DLGAP2: variants seen among roughly 807,000 people sequenced by gnomAD.
The protein encoded by DLGAP2 is DLG associated protein 2, also known as disks large-associated protein 2.
Under a neutral mutation model 100.3 loss-of-function variants are expected in DLGAP2, and 26 were observed. The ratio of observed to expected loss-of-function variants is 0.26; its 90% CI spans 0.19 to 0.36. The LOEUF is 0.36. Ranked by LOEUF, DLGAP2 falls within the 10% of genes least tolerant of loss-of-function variation. The probability of loss-of-function intolerance (pLI) is 1.00; values close to 1 mark genes in which losing one functional copy is unlikely to be tolerated. For missense variants in DLGAP2, 1,858 were observed against 1,453.2 expected, an observed-to-expected ratio of 1.28 and a Z score of -4.53; for synonymous variants, 886 against 630.1, an observed-to-expected ratio of 1.41 and a Z score of -6.08.
chr8:789,155 G>C (rs148534393), intron 1 of DLGAP2, among the ~76,000 whole-genome samples: 5 of 152,118 alleles, frequency 3.3e-5, no homozygotes, highest in African/African-American at 7.2e-5. Flanking sequence ...TTCTGTTCCC[G>C]TTACCATGTT....
chr8:1,557,067 C>T (rs142382625), intron 5 of DLGAP2, among the ~76,000 whole-genome samples: 1 of 151,970 alleles, frequency 6.6e-6, no homozygotes, highest in African/African-American at 2.4e-5. Context: ...TTGTGGGGTA[C>T]GTCTTATGCA....
intron 1 of DLGAP2, among the ~76,000 whole-genome samples, chr8:865,931 C>T (rs915677418): frequency 2.0e-4 from 30 of 152,190 alleles, no homozygotes; most frequent in African/African-American, 5.8e-4. Context: ...CTTTTTCTGG[C>T]CCTCCCTGTT....
intron 3 of DLGAP2, among the ~76,000 whole-genome samples, chr8:1,259,350 C>A (rs56300341): frequency 0.027 from 4,040 of 152,280 alleles, 69 homozygotes; most frequent in Non-Finnish European, 0.039. Flanking sequence ...TAACTTTCTA[C>A]GCAAGTCTCC....
chr8:1,319,668 G>C (rs1563080891), intron 3 of DLGAP2, among the ~76,000 whole-genome samples: 1 of 152,220 alleles, frequency 6.6e-6, no homozygotes, highest in Non-Finnish European at 1.5e-5. Flanking sequence ...GCTCATGTCA[G>C]TTAAGGGAAA....
intron 12 of DLGAP2, 53 bp downstream of exon 12, chr8:1,678,682 A>G: frequency 7.0e-7 from 1 of 1,432,712 alleles, no homozygotes; most frequent in East Asian, 2.5e-5. Context: ...TCAGTAATGC[A>G]AATATGCACA....
intron 2 of DLGAP2, among the ~76,000 whole-genome samples, chr8:1,229,060 A>T (rs1798480305): frequency 6.6e-6 from 1 of 152,222 alleles, no homozygotes. Flanking sequence ...AGAAATAATA[A>T]CTGAATTCAG....
At chr8:1,346,404 G>A (rs997629594) in intron 3 of DLGAP2, among the ~76,000 whole-genome samples, 1 of 151,538 alleles carries the variant, frequency 6.6e-6, no homozygotes, top group South Asian at 2.1e-4. Flanking sequence ...TTGCACTCAC[G>A]GTAGCTGTGT....
chr8:1,033,393 G>A (rs539218763), intron 2 of DLGAP2, among the ~76,000 whole-genome samples: 4 of 152,158 alleles, frequency 2.6e-5, no homozygotes, highest in Admixed American at 6.5e-5. Context: ...GTTGGGGGTG[G>A]TGGTGGCTCA....
chr8:994,963 C>T (rs1311084529), intron 2 of DLGAP2, among the ~76,000 whole-genome samples: 1 of 152,120 alleles, frequency 6.6e-6, no homozygotes, highest in Non-Finnish European at 1.5e-5. Context: ...GGGCAGGGCA[C>T]ATATTTAGTA....
chr8:1,285,604 T>C (rs1003924974), intron 3 of DLGAP2, among the ~76,000 whole-genome samples: 1 of 152,206 alleles, frequency 6.6e-6, no homozygotes, highest in African/African-American at 2.4e-5. Context: ...ATTCATACAA[T>C]AATCACTGCT....
At chr8:1,385,789 C>T (rs1026512310) in intron 3 of DLGAP2, among the ~76,000 whole-genome samples, 8 of 151,864 alleles carry the variant, frequency 5.3e-5, no homozygotes, top group Admixed American at 2.0e-4. Context: ...CACAGTTACC[C>T]GGCCTGTGCC....
At chr8:1,186,498 A>G (rs1383750332) in intron 2 of DLGAP2, among the ~76,000 whole-genome samples, 1 of 152,184 alleles carries the variant, frequency 6.6e-6, no homozygotes, top group Non-Finnish European at 1.5e-5. Flanking sequence ...CAAGGCTGTC[A>G]GTGACTGCAG....
chr8:1,446,832 G>C (rs1008961816), intron 3 of DLGAP2, among the ~76,000 whole-genome samples: 8 of 152,098 alleles, frequency 5.3e-5, no homozygotes, highest in African/African-American at 1.9e-4. Context: ...GGATTCCTAG[G>C]TATTTTATTC....
intron 2 of DLGAP2, among the ~76,000 whole-genome samples, chr8:1,074,538 G>A (rs913235244): frequency 1.4e-4 from 22 of 152,186 alleles, no homozygotes; most frequent in Admixed American, 1.3e-3. Context: ...CTTCACAGCC[G>A]AGGCTGCCCT....
At chr8:954,776 C>T (rs545147524) in intron 2 of DLGAP2, among the ~76,000 whole-genome samples, 18 of 152,094 alleles carry the variant, frequency 1.2e-4, no homozygotes, top group African/African-American at 4.3e-4. Context: ...AAGAAGATGG[C>T]CAGGGAGTTG....
intron 1 of DLGAP2, among the ~76,000 whole-genome samples, chr8:756,615 T>A (rs1030094180): frequency 2.0e-5 from 3 of 152,120 alleles, no homozygotes; most frequent in African/African-American, 4.8e-5. Flanking sequence ...CAGAACTCTG[T>A]TGAGTCAAGA....
chr8:1,277,956 A>G (rs148070677), intron 3 of DLGAP2, among the ~76,000 whole-genome samples: 2,194 of 152,330 alleles, frequency 0.014, 34 homozygotes, highest in South Asian at 0.043. Flanking sequence ...GGGTATTGGT[A>G]GGGAGTTGGT....
At chr8:1,313,629 A>C (rs2117019530) in intron 3 of DLGAP2, among the ~76,000 whole-genome samples, 2 of 152,306 alleles carry the variant, frequency 1.3e-5, no homozygotes, top group South Asian at 4.2e-4. Context: ...TCAGGGGTGG[A>C]TTCAGGCTTC....
At chr8:841,774 A>G (rs1796988097) in intron 1 of DLGAP2, among the ~76,000 whole-genome samples, 2 of 152,172 alleles carry the variant, frequency 1.3e-5, no homozygotes, top group Admixed American at 1.3e-4. Flanking sequence ...ACTAACCGTC[A>G]CATGAATTAA....
Sources: gnomAD v4.1 joint callset for allele counts (sites outside exome capture counted in the v4.1 genomes callset) on GRCh38, gnomAD v4.1.1 for gene constraint, MANE v1.5 for transcripts, NCBI Gene and HGNC (gene_info 2026-07-23, HGNC 2026-07-21) for gene names.